Variants in HS3ST3A1 observed in about 807,000 individuals in gnomAD.
HS3ST3A1 encodes the protein heparan sulfate-glucosamine 3-sulfotransferase 3A1, also known as heparan sulfate glucosamine 3-O-sulfotransferase 3A1.
HS3ST3A1 carries 19 observed loss-of-function variants against 25.7 expected under a neutral mutation model. The observed-to-expected ratio is 0.74, with a 90% confidence interval of 0.52 to 1.08. The LOEUF (loss-of-function observed/expected upper bound fraction) is 1.08. Among genes scored for constraint, HS3ST3A1 ranks in the 50% least tolerant of loss-of-function variants. The pLI is 0.00. For synonymous variants in HS3ST3A1, 226 were observed against 278.6 expected, an observed-to-expected ratio of 0.81 and a Z score of 1.88; for missense variants, 459 against 594.3, an observed-to-expected ratio of 0.77 and a Z score of 2.37.
chr17:13,596,063 T>G (rs913446920), intron 1 of HS3ST3A1, among the ~76,000 whole-genome samples: 3 of 152,140 alleles, frequency 2.0e-5, no homozygotes, highest in Non-Finnish European at 4.4e-5. Flanking sequence ...GAGACAAATA[T>G]TTTGGCCAGG....
chr17:13,580,665 G>A (rs983013951), intron 1 of HS3ST3A1, among the ~76,000 whole-genome samples: 1 of 152,142 alleles, frequency 6.6e-6, no homozygotes. Context: ...GGCTGAGACA[G>A]GCAGATCACC....
At chr17:13,538,687 G>A (rs1906839542) in intron 1 of HS3ST3A1, among the ~76,000 whole-genome samples, 2 of 152,070 alleles carry the variant, frequency 1.3e-5, no homozygotes, top group African/African-American at 2.4e-5. Flanking sequence ...GGAAGACTGT[G>A]CAGCATCTAC....
intron 1 of HS3ST3A1, among the ~76,000 whole-genome samples, chr17:13,526,836 T>C (rs1906447214): frequency 6.6e-6 from 1 of 151,884 alleles, no homozygotes; most frequent in African/African-American, 2.4e-5. Context: ...GTATTTTTAG[T>C]AGAGACGAGT....
At chr17:13,535,464 A>G (rs938537769) in intron 1 of HS3ST3A1, among the ~76,000 whole-genome samples, 2 of 152,200 alleles carry the variant, frequency 1.3e-5, no homozygotes, top group African/African-American at 4.8e-5. Flanking sequence ...AAGAAGGGAG[A>G]GTGTTGTTTC....
At chr17:13,595,846 G>GGTTGTTGTT (rs66635656) in intron 1 of HS3ST3A1, among the ~76,000 whole-genome samples, 1 of 18,758 alleles carries the variant, frequency 5.3e-5, no homozygotes, top group Non-Finnish European at 1.2e-4. Context: ...AGGCCTTTTT[G>GGTTGTTGTT]GTTGTTGTTG....
At chr17:13,535,017 A>C (rs1459890149) in intron 1 of HS3ST3A1, among the ~76,000 whole-genome samples, 4 of 144,158 alleles carry the variant, frequency 2.8e-5, no homozygotes, top group Non-Finnish European at 6.0e-5. Flanking sequence ...CAAGAGCAAA[A>C]CTCCATCTCA....
intron 1 of HS3ST3A1, among the ~76,000 whole-genome samples, chr17:13,502,391 C>T (rs1436137902): frequency 1.3e-5 from 2 of 152,196 alleles, no homozygotes; most frequent in Non-Finnish European, 2.9e-5. Context: ...GCACTGGCTG[C>T]ACCACTGCCA....
At chr17:13,550,262 G>A (rs1012115969) in intron 1 of HS3ST3A1, among the ~76,000 whole-genome samples, 1 of 152,098 alleles carries the variant, frequency 6.6e-6, no homozygotes, top group African/African-American at 2.4e-5. Context: ...AAGGTTCACT[G>A]GCTGTTCACC....
At chr17:13,532,789 G>GT (rs1416215722) in intron 1 of HS3ST3A1, among the ~76,000 whole-genome samples, 2 of 151,658 alleles carry the variant, frequency 1.3e-5, no homozygotes, top group African/African-American at 2.4e-5. Flanking sequence ...AGGTTCTGGT[G>GT]TTTTTTATCA....
intron 1 of HS3ST3A1, among the ~76,000 whole-genome samples, chr17:13,513,373 C>G (rs940450690): frequency 6.6e-6 from 1 of 152,100 alleles, no homozygotes; most frequent in Non-Finnish European, 1.5e-5. Context: ...TAGCAGCTTT[C>G]CAAATGGGCT....
intron 1 of HS3ST3A1, among the ~76,000 whole-genome samples, chr17:13,565,534 A>C (rs1907655525): frequency 7.7e-6 from 1 of 129,916 alleles, no homozygotes; most frequent in Non-Finnish European, 1.9e-5. Context: ...CCTGTCTCAA[A>C]AAAATAAATA....
intron 1 of HS3ST3A1, among the ~76,000 whole-genome samples, chr17:13,567,439 G>C: frequency 6.6e-6 from 1 of 152,166 alleles, no homozygotes; most frequent in East Asian, 1.9e-4. Flanking sequence ...TGACTTTCAA[G>C]TCTCATTATT....
chr17:13,515,582 T>C (rs1305950209), intron 1 of HS3ST3A1, among the ~76,000 whole-genome samples: 3 of 150,340 alleles, frequency 2.0e-5, no homozygotes, highest in Non-Finnish European at 4.4e-5. Context: ...CAGTTTTCAA[T>C]GTTTATGACT....
intron 1 of HS3ST3A1, among the ~76,000 whole-genome samples, chr17:13,558,433 GATCA>G (rs543566854): frequency 6.6e-6 from 1 of 152,026 alleles, no homozygotes; most frequent in Non-Finnish European, 1.5e-5. Context: ...AAATTTCAAA[GATCA>G]ATTATACAAT....
At chr17:13,531,366 T>A (rs1906600732) in intron 1 of HS3ST3A1, among the ~76,000 whole-genome samples, 1 of 152,200 alleles carries the variant, frequency 6.6e-6, no homozygotes, top group Admixed American at 6.5e-5. Flanking sequence ...ACAGGAGTTT[T>A]CAAATGGCAG....
At chr17:13,590,249 G>A (rs764103075) in intron 1 of HS3ST3A1, among the ~76,000 whole-genome samples, 1 of 149,532 alleles carries the variant, frequency 6.7e-6, no homozygotes, top group Non-Finnish European at 1.5e-5. Flanking sequence ...CATCTGAGAT[G>A]AAAACCAGAA....
intron 1 of HS3ST3A1, among the ~76,000 whole-genome samples, chr17:13,568,822 A>G (rs1237937337): frequency 6.6e-6 from 1 of 152,204 alleles, no homozygotes; most frequent in Non-Finnish European, 1.5e-5. Flanking sequence ...CAAAGATACC[A>G]AGGTTTTCAA....
chr17:13,575,304 G>T (rs115865068), intron 1 of HS3ST3A1, among the ~76,000 whole-genome samples: 1 of 152,304 alleles, frequency 6.6e-6, no homozygotes, highest in African/African-American at 2.4e-5. Flanking sequence ...ATGGATAATG[G>T]ATGAGGTCAG....
chr17:13,591,211 A>T (rs1189997372), intron 1 of HS3ST3A1, among the ~76,000 whole-genome samples: 1 of 151,154 alleles, frequency 6.6e-6, no homozygotes, highest in Non-Finnish European at 1.5e-5. Context: ...ACACCCGGCT[A>T]ATCTTTTGTA....
Sources: gnomAD v4.1 joint callset for allele counts (sites outside exome capture counted in the v4.1 genomes callset) on GRCh38, gnomAD v4.1.1 for gene constraint, MANE v1.5 for transcripts, NCBI Gene and HGNC (gene_info 2026-07-23, HGNC 2026-07-21) for gene names.